The following TAB2 variants were observed in gnomAD, a reference collection of about 807,000 sequenced individuals.
TAB2 encodes the protein TGF-beta-activated kinase 1 and MAP3K7-binding protein 2.
TAB2 carries 3 observed loss-of-function variants against 65.0 expected under a neutral mutation model. That is an observed-to-expected ratio of 0.05 (90% CI 0.02 to 0.12). The LOEUF is 0.12. Ranked by LOEUF, TAB2 falls within the 10% of genes least tolerant of loss-of-function variation. The pLI, the probability that TAB2 is intolerant of heterozygous loss-of-function variation, is 1.00. For missense variants in TAB2, 623 were observed against 840.3 expected (o/e 0.74, Z 3.20); for synonymous variants, 298 against 285.1 (o/e 1.05, Z -0.46).
intron 3 of TAB2, among the ~76,000 whole-genome samples, chr6:149,394,949 A>G (rs1782117095): frequency 2.0e-5 from 3 of 152,262 alleles, no homozygotes; most frequent in South Asian, 2.1e-4. Flanking sequence ...GACAACAAGT[A>G]AACAAATGAG....
At chr6:149,260,189 A>G (rs1194242545) in intron 1 of TAB2, among the ~76,000 whole-genome samples, 1 of 152,336 alleles carries the variant, frequency 6.6e-6, no homozygotes, top group East Asian at 1.9e-4. Flanking sequence ...AAACCGGCTC[A>G]GGCACCACCT....
chr6:149,377,798 A>T (rs892986675), intron 2 of TAB2, among the ~76,000 whole-genome samples: 1 of 145,194 alleles, frequency 6.9e-6, no homozygotes, highest in African/African-American at 2.5e-5. Flanking sequence ...TGGAACAATG[A>T]TTTGATTCAC....
rs1379608216 is a variant in TAB2, at chr6:149,387,107, G to T, written c.1603+7589G>T. ...AGCACAAGTTTTTTATTTGGCTGAA[G>T]TCCAAACTCTATGTATTTTTTCTTT... On this transcript the variant is annotated intron_variant, in intron 3 of 6. Transcript: ENST00000637181. Among the ~76,000 whole-genome samples the T allele has an allele frequency of 2.6e-5, 4 of 152,100 alleles. No individual in the cohort carries two copies. In the East Asian group the frequency reaches 7.7e-4, roughly 29 times the overall value.
intron 1 of TAB2, among the ~76,000 whole-genome samples, chr6:149,364,815 C>T (rs1224923008): frequency 6.6e-6 from 1 of 150,982 alleles, no homozygotes; most frequent in Non-Finnish European, 1.5e-5. Flanking sequence ...AAACAGTTAG[C>T]TTTTGTATAC....
intron 1 of TAB2, among the ~76,000 whole-genome samples, chr6:149,275,300 G>GAAAGAAAA (rs1223068467): frequency 0.068 from 8,689 of 127,968 alleles, 1,068 homozygotes; most frequent in East Asian, 0.095. Flanking sequence ...AAGAAAGAAA[G>GAAAGAAAA]AGAAAAAAGA....
At chr6:149,337,212 A>C (rs942576512) in intron 1 of TAB2, among the ~76,000 whole-genome samples, 19 of 147,950 alleles carry the variant, frequency 1.3e-4, no homozygotes, top group African/African-American at 4.4e-4. Flanking sequence ...GTTTTTAAAA[A>C]CACTTGATAA....
At chr6:149,286,902 G>A (rs1035384817) in intron 1 of TAB2, among the ~76,000 whole-genome samples, 1 of 152,114 alleles carries the variant, frequency 6.6e-6, no homozygotes, top group Admixed American at 6.5e-5. Context: ...GATCACCTGA[G>A]GTCAGGAGTT....
chr6:149,245,963 A>G (rs1777704716), intron 1 of TAB2: 1 of 151,990 alleles, frequency 6.6e-6, no homozygotes, highest in African/African-American at 2.4e-5. Context: ...GCTGTCACCC[A>G]GGCTGGAGTG....
chr6:149,402,369 A>G (rs893922014), intron 6 of TAB2, among the ~76,000 whole-genome samples: 5 of 152,160 alleles, frequency 3.3e-5, no homozygotes, highest in African/African-American at 1.2e-4. Flanking sequence ...AATTGATATC[A>G]CCTATTAAAG....
chr6:149,294,992 C>T (rs749844856), intron 1 of TAB2, among the ~76,000 whole-genome samples: 7 of 152,180 alleles, frequency 4.6e-5, no homozygotes, highest in African/African-American at 7.2e-5. Flanking sequence ...AGTCATATCA[C>T]GTAAATTACA....
At chr6:149,398,830 G>T (rs539733063) in intron 5 of TAB2, among the ~76,000 whole-genome samples, 7 of 152,142 alleles carry the variant, frequency 4.6e-5, no homozygotes, top group African/African-American at 1.7e-4. Context: ...ATAGAACAGG[G>T]ATCTACTTCT....
intron 1 of TAB2, among the ~76,000 whole-genome samples, chr6:149,306,460 G>A (rs998384928): frequency 1.3e-5 from 2 of 150,792 alleles, no homozygotes; most frequent in African/African-American, 2.4e-5. Flanking sequence ...TGAGGCAGAA[G>A]AATGGCCTCA....
At chr6:149,235,066 C>T (rs756583023) in intron 1 of TAB2, among the ~76,000 whole-genome samples, 10 of 152,180 alleles carry the variant, frequency 6.6e-5, no homozygotes, top group Non-Finnish European at 1.2e-4. Context: ...TTAATAATAA[C>T]TCCAGCTTTT....
chr6:149,292,690 T>C (rs987203188), intron 1 of TAB2, among the ~76,000 whole-genome samples: 7 of 152,124 alleles, frequency 4.6e-5, no homozygotes, highest in African/African-American at 1.4e-4. Flanking sequence ...AAAAATGACA[T>C]AAAGAAATCC....
At chr6:149,245,211 T>C (rs891657862) in intron 1 of TAB2, 4 of 152,312 alleles carry the variant, frequency 2.6e-5, no homozygotes, top group Admixed American at 2.0e-4. Flanking sequence ...TCAGATTCAG[T>C]AGGGCTTAAA....
At chr6:149,255,733 T>C (rs1778014066) in intron 1 of TAB2, among the ~76,000 whole-genome samples, 1 of 152,366 alleles carries the variant, frequency 6.6e-6, no homozygotes, top group African/African-American at 2.4e-5. Context: ...ATGTTTAACA[T>C]ATATTTACAC....
intron 1 of TAB2, among the ~76,000 whole-genome samples, chr6:149,233,949 A>G (rs1267848843): frequency 6.6e-6 from 1 of 152,170 alleles, no homozygotes; most frequent in Non-Finnish European, 1.5e-5. Flanking sequence ...ATCCTTGTGT[A>G]ATTCGCTTAT....
intron 1 of TAB2, among the ~76,000 whole-genome samples, chr6:149,287,025 GAGA>G (rs1418020307): frequency 7.9e-5 from 12 of 152,158 alleles, no homozygotes; most frequent in Non-Finnish European, 1.5e-4. Context: ...GCTCAGACAG[GAGA>G]ATCACTTGAA....
Position 149,369,915 on chromosome 6 carries a change from C to T in TAB2, c.-83C>T. The T allele has an allele frequency of 4.9e-6, 6 of 1,212,616 alleles. No individual in the cohort carries two copies. Among genetic ancestry groups the T allele is most frequent in the Non-Finnish European group, 7.3e-6 (6 of 817,302 alleles). The allele number at this position is 1,212,616 out of a possible 1,614,324, so 75.1% of individuals were successfully genotyped here. A position where few individuals can be genotyped will look rare whatever the true frequency, so the allele number is the denominator to read the frequency against. ...TTTTTTCTTTCTTTCACAGAAAATG[C>T]TTGGACAGAAGAGATGAGTACTATT... On this transcript the variant is annotated 5_prime_UTR_variant, in exon 2 of 7. Transcript: ENST00000637181.
Sources: allele counts gnomAD v4.1 joint callset (sites outside exome capture counted in the v4.1 genomes callset), GRCh38; gene constraint gnomAD v4.1.1; transcripts MANE v1.5; gene names NCBI Gene and HGNC (gene_info 2026-07-23, HGNC 2026-07-21).